The following CFAP97D2 variants were observed in gnomAD, a reference collection of about 807,000 sequenced individuals.
CFAP97D2 encodes CFAP97 domain containing 2, also known as uncharacterized protein CFAP97D2.
intron 2 of CFAP97D2, among the ~76,000 whole-genome samples, chr13:114,196,926 G>A (rs192386207): frequency 5.3e-5 from 8 of 152,310 alleles, no homozygotes; most frequent in Admixed American, 4.6e-4. Context: ...GGTACTTCCA[G>A]GTCACAGGTG....
rs2080945386 is a variant in CFAP97D2, at chr13:114,207,309, G to C, written c.291-4603G>C. Among the ~76,000 whole-genome samples, 3 of 152,324 alleles carry C rather than the reference G, an allele frequency of 2.0e-5. No individual in the cohort carries two copies. The South Asian group carries it at 6.2e-4, about 32-fold the overall frequency. ...TGGGATACGGCATGGACAGCGAGGG[G>C]AGGGGTCCCGTTCTTGTGAAGCTTG... On this transcript the variant is annotated intron_variant, in intron 3 of 4. Transcript: ENST00000646158. This position sits in a 1 kb window ranked among gnomAD's most constrained non-coding sequence, Gnocchi z 4.9.
At chr13:114,182,373 C>T (rs1002767322) in intron 1 of CFAP97D2, among the ~76,000 whole-genome samples, 10 of 152,126 alleles carry the variant, frequency 6.6e-5, no homozygotes, top group Admixed American at 2.6e-4. Context: ...AATGTACAAT[C>T]GGGTTTTATA....
In CFAP97D2 at chr13:114,185,469, C is replaced by T. The variant is rs1023781155; in HGVS notation, c.90+6049C>T. Reference sequence around the variant, plus strand: ...TGGGAGCCAGGAATGAGTGGGAGCCCCACCCCTTCTGAGTTGGCATGTCAG... The same window carrying T: ...TGGGAGCCAGGAATGAGTGGGAGCCTCACCCCTTCTGAGTTGGCATGTCAG... On this transcript the variant is annotated intron_variant, in intron 1 of 4. Transcript: ENST00000646158. The surrounding 1 kb of genome is among the most constrained non-coding windows in gnomAD (Gnocchi z 5.2). Among the ~76,000 whole-genome samples the T allele has an allele frequency of 1.7e-4, 26 of 152,162 alleles. No homozygotes were observed. Among genetic ancestry groups the T allele is most frequent in the Admixed American group, 1.3e-3 (20 of 15,284 alleles).
intron 3 of CFAP97D2, among the ~76,000 whole-genome samples, chr13:114,204,472 G>A (rs912297002): frequency 1.3e-5 from 2 of 152,132 alleles, no homozygotes; most frequent in Non-Finnish European, 2.9e-5. Context: ...GAAAGCTATA[G>A]TAATCAAGAT....
At chr13:114,184,916 G>A (rs1037136711) in intron 1 of CFAP97D2, among the ~76,000 whole-genome samples, 4 of 152,186 alleles carry the variant, frequency 2.6e-5, no homozygotes, top group Non-Finnish European at 4.4e-5. Flanking sequence ...GTATACTTAT[G>A]TGCATATCTC....
intron 1 of CFAP97D2, among the ~76,000 whole-genome samples, chr13:114,180,394 C>A (rs1257286103): frequency 6.6e-6 from 1 of 152,154 alleles, no homozygotes; most frequent in Admixed American, 6.5e-5. Flanking sequence ...CACCCCACGT[C>A]AGGCCTCTGC....
intron 2 of CFAP97D2, among the ~76,000 whole-genome samples, chr13:114,198,090 C>G (rs2080895493): frequency 6.6e-6 from 1 of 152,014 alleles, no homozygotes; most frequent in African/African-American, 2.4e-5. Context: ...CGGGTTCAAG[C>G]GATTCCCCTG....
chr13:114,195,240 G>A (rs1162218539), intron 1 of CFAP97D2, among the ~76,000 whole-genome samples: 1 of 152,230 alleles, frequency 6.6e-6, no homozygotes, highest in Admixed American at 6.5e-5. Flanking sequence ...CCTGTAAAAA[G>A]TGACCATGTG....
At chr13:114,182,185 G>A (rs7992651) in intron 1 of CFAP97D2, among the ~76,000 whole-genome samples, 62,384 of 123,508 alleles carry the variant, frequency 0.51, 19,514 homozygotes, top group African/African-American at 0.74. Flanking sequence ...GAGCAAAAGA[G>A]TCTATGTCGT....
At chr13:114,218,399 A>G in intron 4 of CFAP97D2, among the ~76,000 whole-genome samples, 1 of 152,270 alleles carries the variant, frequency 6.6e-6, no homozygotes, top group Admixed American at 6.5e-5. Flanking sequence ...ATGGAAGAAC[A>G]TTCCACGCTC....
intron 4 of CFAP97D2, chr13:114,212,339 A>G (rs1382626038): frequency 2.9e-6 from 1 of 343,388 alleles, no homozygotes; most frequent in Non-Finnish European, 5.2e-6. Flanking sequence ...AAATTAAAAT[A>G]AGCTCAGCTG....
intron 2 of CFAP97D2, among the ~76,000 whole-genome samples, chr13:114,198,416 T>C (rs1220497223): frequency 6.6e-6 from 1 of 152,242 alleles, no homozygotes; most frequent in Admixed American, 6.5e-5. Flanking sequence ...GCAGATTCTT[T>C]TCCTCTGGGC....
In CFAP97D2 at chr13:114,211,484, A is replaced by T. The variant is rs2080966190; in HGVS notation, c.291-428A>T. Among the ~76,000 whole-genome samples the T allele has an allele frequency of 6.6e-6, 1 of 151,850 alleles. No individual in the cohort carries two copies. The highest frequency in any genetic ancestry group is 6.5e-5 in the Admixed American group (1 of 15,272). On this transcript the variant is annotated intron_variant, in intron 3 of 4. Transcript: ENST00000646158. This position sits in a 1 kb window ranked among gnomAD's most constrained non-coding sequence, Gnocchi z 4.2. ...TGCCAACCTCCCTCACCTCTCTCCCATGGGCGCCTGGGTGCTTGCCCTCCC... is the reference window on the plus strand; with the variant it reads ...TGCCAACCTCCCTCACCTCTCTCCCTTGGGCGCCTGGGTGCTTGCCCTCCC...
chr13:114,196,427 G>A (rs899791650), exon 2 of CFAP97D2: 7 of 399,546 alleles, frequency 1.8e-5, no homozygotes, highest in South Asian at 1.3e-4. Context: ...GTAGACACCC[G>A]CGCCCCGCTG....
intron 1 of CFAP97D2, among the ~76,000 whole-genome samples, chr13:114,188,634 G>A (rs372756727): frequency 1.8e-4 from 27 of 151,974 alleles, no homozygotes; most frequent in African/African-American, 5.5e-4. Flanking sequence ...AAAATTAGAC[G>A]GGTGTGGTGG....
chr13:114,188,016 C>T lies in CFAP97D2; in HGVS notation c.91-8380C>T, dbSNP rs185055136. Reference sequence around the variant, plus strand: ...AATGGGGGCTGGGTGCAGTAGCTCACGCCTGTAATCCCAACAATTTGGGAG... The same window carrying T: ...AATGGGGGCTGGGTGCAGTAGCTCATGCCTGTAATCCCAACAATTTGGGAG... On this transcript the variant is annotated intron_variant, in intron 1 of 4. Transcript: ENST00000646158. Among the ~76,000 whole-genome samples the T allele has an allele frequency of 6.0e-4, 92 of 152,162 alleles. 1 individual carries two copies. In the East Asian group the frequency reaches 0.012, roughly 20 times the overall value.
intron 4 of CFAP97D2, chr13:114,212,324 T>G: frequency 5.5e-6 from 2 of 365,572 alleles, no homozygotes; most frequent in Non-Finnish European, 9.7e-6. Context: ...TTCACGAAGT[T>G]GAGGAAATTA....
intron 4 of CFAP97D2, among the ~76,000 whole-genome samples, chr13:114,216,260 G>T (rs1210237135): frequency 6.6e-6 from 1 of 152,056 alleles, no homozygotes; most frequent in Non-Finnish European, 1.5e-5. Context: ...CCTCCTCCCG[G>T]CTTGTTTTCA....
intron 3 of CFAP97D2, among the ~76,000 whole-genome samples, chr13:114,202,492 A>T (rs1419566138): frequency 6.6e-6 from 1 of 152,208 alleles, no homozygotes; most frequent in Non-Finnish European, 1.5e-5. Flanking sequence ...CTGTAATTTG[A>T]CAAGAACAGC....
Sources: gnomAD v4.1 joint callset for allele counts (sites outside exome capture counted in the v4.1 genomes callset) on GRCh38, gnomAD v4.1.1 for gene constraint, Gnocchi (gnomAD v3.1) non-coding constraint, MANE v1.5 for transcripts, NCBI Gene and HGNC (gene_info 2026-07-23, HGNC 2026-07-21) for gene names.